The following MTAP variants were observed in gnomAD, a reference collection of about 807,000 sequenced individuals.
MTAP encodes methylthioadenosine phosphorylase.
MTAP carries 33 observed loss-of-function variants against 33.6 expected under a neutral mutation model. The ratio of observed to expected loss-of-function variants is 0.98; its 90% confidence interval spans 0.74 to 1.31. The LOEUF (loss-of-function observed/expected upper bound fraction) is 1.31. Among genes scored for constraint, MTAP ranks in the 40% most tolerant of loss-of-function variants. The pLI is 0.00. For synonymous variants in MTAP, 148 were observed against 125.7 expected, an observed-to-expected ratio of 1.18 and a Z score of -1.19; for missense variants, 367 against 360.0, an observed-to-expected ratio of 1.02 and a Z score of -0.16.
intron 4 of MTAP, among the ~76,000 whole-genome samples, chr9:21,826,511 G>A (rs985614888): frequency 6.6e-6 from 1 of 151,710 alleles, no homozygotes; most frequent in East Asian, 1.9e-4. Flanking sequence ...TGAATTCTTG[G>A]CAAGGATCCT....
chr9:21,817,466 G>A (rs1406003126), intron 3 of MTAP, among the ~76,000 whole-genome samples: 3 of 151,984 alleles, frequency 2.0e-5, no homozygotes, highest in African/African-American at 4.8e-5. Flanking sequence ...GTTCAAGCTC[G>A]TGTAGTTGTA....
At chr9:21,899,363 C>T (rs886988560) in intron 1 of MTAP, among the ~76,000 whole-genome samples, 6 of 147,598 alleles carry the variant, frequency 4.1e-5, no homozygotes, top group African/African-American at 1.3e-4. Context: ...GCATATGTAC[C>T]GCATAACTTA....
intron 6 of MTAP, among the ~76,000 whole-genome samples, chr9:21,855,875 G>T (rs751337191): frequency 6.6e-6 from 1 of 152,004 alleles, no homozygotes; most frequent in African/African-American, 2.4e-5. Flanking sequence ...TTCCTAAAAG[G>T]TCTTTTTAAA....
intron 1 of MTAP, among the ~76,000 whole-genome samples, chr9:21,810,150 C>T (rs537738494): frequency 6.6e-6 from 1 of 152,302 alleles, no homozygotes; most frequent in African/African-American, 2.4e-5. Flanking sequence ...ATTATCTCCT[C>T]ACAGCGCTGG....
intron 4 of MTAP, among the ~76,000 whole-genome samples, chr9:21,827,975 C>G (rs1485444115): frequency 6.6e-6 from 1 of 152,236 alleles, no homozygotes; most frequent in African/African-American, 2.4e-5. Context: ...TTGGGTTAAT[C>G]TGTTACTTAA....
chr9:21,896,065 C>G (rs1009284958), intron 1 of MTAP, among the ~76,000 whole-genome samples: 1 of 152,198 alleles, frequency 6.6e-6, no homozygotes, highest in Non-Finnish European at 1.5e-5. Context: ...AACTGTCTCT[C>G]AGACCACAGT....
At chr9:21,856,953 C>G (rs753398020) in intron 6 of MTAP, among the ~76,000 whole-genome samples, 5 of 152,120 alleles carry the variant, frequency 3.3e-5, no homozygotes, top group Non-Finnish European at 5.9e-5. Context: ...ATTGTTTAGT[C>G]AGTTAGACCT....
At chr9:21,923,403 A>G (rs1357019709) in intron 1 of MTAP, among the ~76,000 whole-genome samples, 1 of 152,172 alleles carries the variant, frequency 6.6e-6, no homozygotes, top group African/African-American at 2.4e-5. Flanking sequence ...GGAGGAGAGA[A>G]AATTCTTCCT....
chr9:21,868,751 C>G (rs1401340081), downstream of MTAP, among the ~76,000 whole-genome samples: 1 of 152,134 alleles, frequency 6.6e-6, no homozygotes, highest in African/African-American at 2.4e-5. Flanking sequence ...TTCAAGACCC[C>G]CCTCTGCTGC....
chr9:21,828,309 G>C (rs1280965600), intron 4 of MTAP, among the ~76,000 whole-genome samples: 1 of 152,328 alleles, frequency 6.6e-6, no homozygotes, highest in Middle Eastern at 3.4e-3. Context: ...TATTGAGAGT[G>C]TGTGCATACT....
intron 1 of MTAP, among the ~76,000 whole-genome samples, chr9:21,807,300 C>A (rs907627663): frequency 6.6e-6 from 1 of 152,142 alleles, no homozygotes; most frequent in African/African-American, 2.4e-5. Flanking sequence ...GGTTTGTAGA[C>A]TGTGGAATAT....
intron 1 of MTAP, chr9:21,930,625 C>T (rs147014445): frequency 2.5e-6 from 1 of 397,128 alleles, no homozygotes; most frequent in Admixed American, 4.0e-5. Flanking sequence ...AAATAGCCAG[C>T]AAGTTTAATA....
chr9:21,802,666 T>C lies in MTAP; in HGVS notation c.-83T>C. 2 of 1,535,970 alleles carry C rather than the reference T, an allele frequency of 1.3e-6. No individual in the cohort carries two copies. The highest frequency in any genetic ancestry group is 1.8e-6 in the Non-Finnish European group (2 of 1,116,882). On this transcript the variant is annotated 5_prime_UTR_variant, in exon 1 of 8. Coordinates refer to ENST00000644715, the MANE Select transcript of MTAP (RefSeq NM_002451.4). ...CACTGCTCACTCCCGCGCAGTGAGGTTGGCACAGCCACCGCTCTGTGGCTC... is the reference window on the plus strand; with the variant it reads ...CACTGCTCACTCCCGCGCAGTGAGGCTGGCACAGCCACCGCTCTGTGGCTC...
At chr9:21,833,713 T>C (rs1825029655) in intron 4 of MTAP, among the ~76,000 whole-genome samples, 1 of 152,228 alleles carries the variant, frequency 6.6e-6, no homozygotes, top group African/African-American at 2.4e-5. Context: ...ACAGACCGTA[T>C]TCTGAAATGT....
At chr9:21,913,810 G>T (rs538579021) in intron 1 of MTAP, among the ~76,000 whole-genome samples, 1 of 152,306 alleles carries the variant, frequency 6.6e-6, no homozygotes, top group East Asian at 1.9e-4. Flanking sequence ...CTTCTGCACA[G>T]CGAAAGAAAC....
In MTAP at chr9:21,906,063, C is replaced by G. The variant is rs923697330; in HGVS notation, c.148-24945C>G. On this transcript the variant is annotated intron_variant, in intron 1 of 1. Coordinates refer to the MTAP transcript ENST00000577563. ...GAGGCCAGAAAGAAACAAACAGAAG[C>G]AAAACATTTCTAAAGAATTCACCTA... is the stretch of plus-strand genomic sequence containing the variant. Among the ~76,000 whole-genome samples the G allele has an allele frequency of 3.3e-5, 5 of 152,068 alleles. No homozygotes were observed. In the South Asian group the frequency reaches 8.3e-4, roughly 25 times the overall value.
At chr9:21,874,767 A>T (rs1825981883) in intron 1 of MTAP, among the ~76,000 whole-genome samples, 1 of 150,804 alleles carries the variant, frequency 6.6e-6, no homozygotes, top group South Asian at 2.1e-4. Flanking sequence ...TTACGGAGGT[A>T]TACATGTGCC....
intron 1 of MTAP, among the ~76,000 whole-genome samples, chr9:21,915,120 T>C (rs1157737903): frequency 6.7e-6 from 1 of 149,894 alleles, no homozygotes; most frequent in African/African-American, 2.5e-5. Flanking sequence ...TCTTGCCCTC[T>C]CACCCAGCCT....
chr9:21,809,489 A>G (rs1428766136), intron 1 of MTAP, among the ~76,000 whole-genome samples: 1 of 152,070 alleles, frequency 6.6e-6, no homozygotes, highest in African/African-American at 2.4e-5. Context: ...AATACAAAAA[A>G]TTAGCCGGGC....
Sources: gnomAD v4.1 joint callset for allele counts (sites outside exome capture counted in the v4.1 genomes callset) on GRCh38, gnomAD v4.1.1 for gene constraint, MANE v1.5 for transcripts, NCBI Gene and HGNC (gene_info 2026-07-23, HGNC 2026-07-21) for gene names.